Variants in EIF2AK3 observed in about 807,000 individuals in gnomAD.
The protein encoded by EIF2AK3 is eukaryotic translation initiation factor 2-alpha kinase 3.
EIF2AK3 carries 50 observed loss-of-function variants against 113.5 expected under a neutral mutation model. That is an observed-to-expected ratio of 0.44 (90% CI 0.35 to 0.56). The LOEUF (loss-of-function observed/expected upper bound fraction) is 0.56. EIF2AK3 is among the 20% of genes least tolerant of loss of function. The pLI is 0.00. For missense variants in EIF2AK3, 1,185 were observed against 1,378.0 expected (o/e 0.86, Z 2.22); for synonymous variants, 448 against 495.4 (o/e 0.90, Z 1.27).
At chr2:88,589,831 G>A (rs376123955) in intron 6 of EIF2AK3, among the ~76,000 whole-genome samples, 166 of 152,010 alleles carry the variant, frequency 1.1e-3, no homozygotes, top group South Asian at 7.9e-3. Context: ...TTACAGGTGC[G>A]TGCCACCATT....
At chr2:88,618,739 T>A (rs969301531) in intron 1 of EIF2AK3, among the ~76,000 whole-genome samples, 2 of 152,264 alleles carry the variant, frequency 1.3e-5, no homozygotes, top group African/African-American at 4.8e-5. Flanking sequence ...TGGAGACTTC[T>A]GTCTCTCACT....
intron 2 of EIF2AK3, among the ~76,000 whole-genome samples, chr2:88,611,688 T>G (rs1675459564): frequency 5.3e-5 from 8 of 152,178 alleles, no homozygotes. Flanking sequence ...TGGTGCACAG[T>G]GGCACGATCT....
rs1356936236 is a variant in EIF2AK3, at chr2:88,627,405, C to A, written c.-131G>T. On this transcript the variant is annotated 5_prime_UTR_variant, in exon 1 of 17. Transcript: ENST00000303236. ...CCGCCCCGACGGCCTGGACAGCCAG[C>A]CGTGTTCCCCTGGCCACGTCTCAGC... 8.7e-7 allele frequency: 1 copy of A among 1,155,826 alleles called. No homozygotes were observed. The highest frequency in any genetic ancestry group is 2.3e-5 in the South Asian group (1 of 44,202). 71.6% of individuals were successfully genotyped at this position (1,155,826 alleles called of 1,614,324 possible). A position where few individuals can be genotyped will look rare whatever the true frequency, so the allele number is the denominator to read the frequency against.
chr2:88,579,261 G>T (rs1423257447), intron 11 of EIF2AK3, among the ~76,000 whole-genome samples: 1 of 152,138 alleles, frequency 6.6e-6, no homozygotes. Context: ...CTGGTCTACA[G>T]TTATTATAAG....
In EIF2AK3 at chr2:88,575,341, A is replaced by G. The variant is rs771982638; in HGVS notation, c.2142T>C (p.Pro714=). ...ATKEHIEIIA[P]SPQRSRSFSV... The stretch of plus-strand genomic sequence containing the variant: ...AAAAAGACCTGCTTCTTTGTGGTGA[A>G]GGAGCTATGATTTCAATATGTTCTT... The change falls in exon 13 of 17, where the codon CCT becomes CCC. Residue 714 remains proline (P), a synonymous_variant. Transcript: ENST00000303236. The G allele has an allele frequency of 6.2e-7, 1 of 1,614,186 alleles. No homozygotes were observed. The highest frequency in any genetic ancestry group is 8.5e-7 in the Non-Finnish European group (1 of 1,180,024).
intron 2 of EIF2AK3, chr2:88,595,970 A>G: frequency 2.4e-6 from 1 of 421,636 alleles, no homozygotes; most frequent in Non-Finnish European, 4.4e-6. Context: ...TGAGTTACCA[A>G]AAGAGAGTTT....
chr2:88,599,043 C>T (rs963404389), intron 2 of EIF2AK3, among the ~76,000 whole-genome samples: 8 of 151,214 alleles, frequency 5.3e-5, no homozygotes, highest in African/African-American at 1.5e-4. Context: ...TTTGGTACCA[C>T]GTTTATTGTA....
At position 88,627,137 on chromosome 2, in the gene EIF2AK3, G is replaced by A. The variant is rs911026088; in HGVS notation, c.138C>T (p.Gly46=). 2 of 1,450,476 alleles carry A rather than the reference G, an allele frequency of 1.4e-6. No individual in the cohort carries two copies. Among genetic ancestry groups the A allele is most frequent in the Non-Finnish European group, 1.8e-6 (2 of 1,109,644 alleles). 89.9% of individuals were successfully genotyped at this position (1,450,476 alleles called of 1,614,324 possible). Residue 46 remains glycine, a synonymous_variant, in exon 1 of 17, where the codon GGC becomes GGT. Transcript: ENST00000303236. ...AGGTGGGAGCAGCGGCCGCCCCGAGGCCGAACGCCGCCTCCGCCGTCGGCG... is the reference window on the plus strand; with the variant it reads ...AGGTGGGAGCAGCGGCCGCCCCGAGACCGAACGCCGCCTCCGCCGTCGGCG... The part of the protein sequence containing the change: ...LPAPTAEAAF[G]LGAAAAPTSA...
At chr2:88,596,640 T>C (rs1307768533) in intron 2 of EIF2AK3, among the ~76,000 whole-genome samples, 3 of 151,982 alleles carry the variant, frequency 2.0e-5, no homozygotes, top group Non-Finnish European at 4.4e-5. Context: ...GGCTCTTAGA[T>C]GGAAGCATAC....
chr2:88,615,978 G>A (rs571565521), intron 1 of EIF2AK3, among the ~76,000 whole-genome samples: 1 of 151,744 alleles, frequency 6.6e-6, no homozygotes, highest in Non-Finnish European at 1.5e-5. Flanking sequence ...AGCCATTTCT[G>A]CCCTCCATGA....
chr2:88,617,700 T>A (rs1675619423), intron 1 of EIF2AK3, among the ~76,000 whole-genome samples: 1 of 149,540 alleles, frequency 6.7e-6, no homozygotes, highest in Non-Finnish European at 1.5e-5. Context: ...GAGGTTGCAG[T>A]GAGCCAAGAT....
At chr2:88,562,241 G>T in intron 15 of EIF2AK3, 48 bp downstream of exon 15, 1 of 1,465,998 alleles carries the variant, frequency 6.8e-7, no homozygotes, top group Non-Finnish European at 9.6e-7. Context: ...GTAAATGTTA[G>T]ATTATTTTCT....
intron 2 of EIF2AK3, among the ~76,000 whole-genome samples, chr2:88,596,598 A>G (rs1227444674): frequency 6.6e-6 from 1 of 152,146 alleles, no homozygotes; most frequent in Non-Finnish European, 1.5e-5. Flanking sequence ...TTAACGTGAG[A>G]GAGTTAACCA....
At chr2:88,563,600 C>T (rs1222744261) in intron 14 of EIF2AK3, among the ~76,000 whole-genome samples, 1 of 152,138 alleles carries the variant, frequency 6.6e-6, no homozygotes, top group Non-Finnish European at 1.5e-5. Context: ...ATTTTACCCA[C>T]CCTAGGGCAG....
intron 14 of EIF2AK3, among the ~76,000 whole-genome samples, chr2:88,566,986 G>C (rs1303998666): frequency 6.6e-6 from 1 of 151,812 alleles, no homozygotes; most frequent in Non-Finnish European, 1.5e-5. Context: ...AGAAGCAAAA[G>C]CAAAAATAAA....
In EIF2AK3 at chr2:88,591,027, C is replaced by G; in HGVS notation, c.793G>C (p.Glu265Gln). Residue 265 changes from glutamate to glutamine, a missense_variant, in exon 5 of 17, where the codon GAA becomes CAA. Glu to Gln is a conservative substitution (Grantham distance 29). This residue lies in a region of EIF2AK3 where 877 missense variants were observed against 1,024.2 expected (regional missense o/e 0.86). Coordinates refer to ENST00000303236, the MANE Select transcript of EIF2AK3 (RefSeq NM_004836.7). The stretch of plus-strand genomic sequence containing the variant: ...TCCATGTCTGGAATATACCGAAGTT[C>G]AAAGTGGCCAACACTGAAATTCCAC... Reference protein sequence around the residue: ...EKWNFSVGHFELRYIPDMETR... With the variant: ...EKWNFSVGHFQLRYIPDMETR... 1 of 1,614,028 alleles carries G rather than the reference C, an allele frequency of 6.2e-7. No individual in the cohort carries two copies. The highest frequency in any genetic ancestry group is 1.7e-4 in the Middle Eastern group (1 of 6,060).
chr2:88,602,958 G>A (rs1458621124), intron 2 of EIF2AK3, among the ~76,000 whole-genome samples: 2 of 150,286 alleles, frequency 1.3e-5, no homozygotes, highest in East Asian at 1.9e-4. Context: ...GGAACTTAAA[G>A]TAAAAAAAAA....
At chr2:88,571,556 A>G (rs1008849092) in intron 13 of EIF2AK3, among the ~76,000 whole-genome samples, 6 of 152,320 alleles carry the variant, frequency 3.9e-5, no homozygotes, top group African/African-American at 1.4e-4. Context: ...CAAATTGCCC[A>G]AGGTTACCCA....
chr2:88,608,206 A>G (rs1345594463), intron 2 of EIF2AK3, among the ~76,000 whole-genome samples: 1 of 152,166 alleles, frequency 6.6e-6, no homozygotes, highest in Non-Finnish European at 1.5e-5. Flanking sequence ...GTTGCAGAGA[A>G]TACATCTTCT....
Sources: allele counts gnomAD v4.1 joint callset (sites outside exome capture counted in the v4.1 genomes callset), GRCh38; gene constraint gnomAD v4.1.1; regional missense constraint gnomAD v4.1.1; transcripts MANE v1.5; gene names NCBI Gene and HGNC (gene_info 2026-07-23, HGNC 2026-07-21).